The following FSTL5 variants were observed in gnomAD, a reference collection of about 807,000 sequenced individuals.
FSTL5 encodes the protein follistatin-related protein 5.
FSTL5 carries 62 observed loss-of-function variants against 89.1 expected under a neutral mutation model. The ratio of observed to expected loss-of-function variants is 0.70; its 90% CI spans 0.57 to 0.86. The LOEUF (loss-of-function observed/expected upper bound fraction) is 0.86. Ranked by LOEUF, FSTL5 falls within the 40% of genes least tolerant of loss-of-function variation. The pLI is 0.00. For missense variants in FSTL5, 1,057 were observed against 1,001.6 expected, an observed-to-expected ratio of 1.06 and a Z score of -0.75; for synonymous variants, 383 against 346.2, an observed-to-expected ratio of 1.11 and a Z score of -1.18.
chr4:161,514,827 A>C (rs1185816688), intron 10 of FSTL5, among the ~76,000 whole-genome samples: 3 of 152,134 alleles, frequency 2.0e-5, no homozygotes, highest in African/African-American at 7.2e-5. Flanking sequence ...AAGATCAATT[A>C]TTTAGCAAGC....
chr4:161,695,802 C>T (rs1017842353), intron 6 of FSTL5, among the ~76,000 whole-genome samples: 4 of 151,738 alleles, frequency 2.6e-5, no homozygotes, highest in African/African-American at 7.3e-5. Context: ...GCCCACTTTT[C>T]GATGGGATTT....
chr4:161,699,827 C>T (rs1417179046), intron 6 of FSTL5, among the ~76,000 whole-genome samples: 1 of 152,036 alleles, frequency 6.6e-6, no homozygotes. Context: ...TGATTTAGAA[C>T]CTAGAACAGG....
At chr4:162,102,762 T>C (rs1280579843) in intron 2 of FSTL5, among the ~76,000 whole-genome samples, 1 of 146,784 alleles carries the variant, frequency 6.8e-6, no homozygotes. Flanking sequence ...TAAATATGTA[T>C]AACATATTTA....
intron 3 of FSTL5, among the ~76,000 whole-genome samples, chr4:161,938,983 T>C (rs1016172434): frequency 1.3e-5 from 2 of 151,928 alleles, no homozygotes; most frequent in Admixed American, 1.3e-4. Context: ...AGTCCTCAGT[T>C]AAAAGGGCAA....
chr4:161,409,346 C>G (rs1311652745), intron 15 of FSTL5, among the ~76,000 whole-genome samples: 1 of 151,898 alleles, frequency 6.6e-6, no homozygotes, highest in Non-Finnish European at 1.5e-5. Flanking sequence ...AAAACTTTTC[C>G]CTGAGAGCAA....
Position 161,780,807 on chromosome 4 carries a change from T to C in FSTL5, c.410-4733A>G, listed in dbSNP as rs28465213. Among the ~76,000 whole-genome samples, 257 of 152,346 alleles carry C rather than the reference T, an allele frequency of 1.7e-3. 1 individual carries two copies. The highest frequency in any genetic ancestry group is 6.0e-3 in the African/African-American group (250 of 41,584). ...GATAAGTGCTAAAAATTATAGATTA[T>C]ACCAATTATGCTTAGTAAAATATGT... On this transcript the variant is annotated intron_variant, in intron 4 of 15. Transcript: ENST00000306100.
intron 4 of FSTL5, among the ~76,000 whole-genome samples, chr4:161,848,979 G>A (rs1217420930): frequency 1.3e-5 from 2 of 152,098 alleles, no homozygotes; most frequent in Admixed American, 6.6e-5. Flanking sequence ...AGGCAGGGGC[G>A]AATATGGCTC....
intron 15 of FSTL5, among the ~76,000 whole-genome samples, chr4:161,391,002 T>C (rs1456703057): frequency 1.3e-5 from 2 of 152,138 alleles, no homozygotes; most frequent in African/African-American, 2.4e-5. Flanking sequence ...AAACAAGCCT[T>C]CGCACGCGCA....
chr4:161,541,670 T>C (rs1358486539), intron 9 of FSTL5, among the ~76,000 whole-genome samples: 2 of 151,964 alleles, frequency 1.3e-5, no homozygotes, highest in Non-Finnish European at 2.9e-5. Context: ...ACTATTAAAG[T>C]GGAATAATAA....
At chr4:161,926,126 A>C (rs1206523782) in intron 3 of FSTL5, among the ~76,000 whole-genome samples, 1 of 151,886 alleles carries the variant, frequency 6.6e-6, no homozygotes, top group Non-Finnish European at 1.5e-5. Flanking sequence ...GTTCAAGTAA[A>C]TACTGGAATG....
intron 1 of FSTL5, among the ~76,000 whole-genome samples, chr4:162,160,670 G>T (rs1043991355): frequency 2.0e-5 from 3 of 151,484 alleles, no homozygotes; most frequent in African/African-American, 7.3e-5. Context: ...TTTTTAAATG[G>T]TCATTATTCA....
chr4:162,093,080 A>C (rs1474252985), intron 2 of FSTL5, among the ~76,000 whole-genome samples: 1 of 152,158 alleles, frequency 6.6e-6, no homozygotes, highest in Non-Finnish European at 1.5e-5. Context: ...GTAATCAATA[A>C]AGACAAAATT....
intron 15 of FSTL5, among the ~76,000 whole-genome samples, chr4:161,404,392 A>T (rs1371562709): frequency 6.6e-6 from 1 of 152,176 alleles, no homozygotes; most frequent in Non-Finnish European, 1.5e-5. Flanking sequence ...GAGGCAGGAC[A>T]CATGTTCAAT....
chr4:162,017,322 T>A (rs1270959878), intron 3 of FSTL5, among the ~76,000 whole-genome samples: 4 of 152,176 alleles, frequency 2.6e-5, no homozygotes, highest in Admixed American at 1.3e-4. Flanking sequence ...TTGTTTTTGT[T>A]TTTTCAGATA....
At chr4:161,906,526 C>T (rs929264466) in intron 4 of FSTL5, among the ~76,000 whole-genome samples, 5 of 152,024 alleles carry the variant, frequency 3.3e-5, no homozygotes, top group African/African-American at 1.2e-4. Flanking sequence ...CCCTGCCCAG[C>T]CTCTTCAAAA....
chr4:161,997,752 C>T (rs1442416553), intron 3 of FSTL5, among the ~76,000 whole-genome samples: 1 of 151,418 alleles, frequency 6.6e-6, no homozygotes, highest in African/African-American at 2.4e-5. Context: ...CTAAAGGCGC[C>T]CGCCACCACG....
At chr4:161,514,219 A>T (rs1048934570) in intron 10 of FSTL5, among the ~76,000 whole-genome samples, 1 of 151,460 alleles carries the variant, frequency 6.6e-6, no homozygotes, top group Admixed American at 6.6e-5. Context: ...TTGGATAAAT[A>T]AAGTATTACA....
chr4:161,586,512 A>C (rs1289917135), intron 8 of FSTL5, among the ~76,000 whole-genome samples: 1 of 152,196 alleles, frequency 6.6e-6, no homozygotes, highest in Non-Finnish European at 1.5e-5. Context: ...TACTTTTAAA[A>C]TATATTCCAA....
intron 2 of FSTL5, among the ~76,000 whole-genome samples, chr4:162,037,081 T>C (rs971760548): frequency 5.3e-5 from 8 of 151,874 alleles, no homozygotes; most frequent in African/African-American, 1.9e-4. Context: ...TCACTGAGAT[T>C]TGAGAATACA....
Sources: gnomAD v4.1 joint callset for allele counts (sites outside exome capture counted in the v4.1 genomes callset) on GRCh38, gnomAD v4.1.1 for gene constraint, MANE v1.5 for transcripts, NCBI Gene and HGNC (gene_info 2026-07-23, HGNC 2026-07-21) for gene names.